KDM6A: variants seen among roughly 807,000 people sequenced by gnomAD.
KDM6A encodes the protein lysine-specific demethylase 6A.
In KDM6A, 11 loss-of-function variants were observed where a neutral mutation model predicts 117.6. The observed-to-expected ratio is 0.09, with a 90% confidence interval of 0.06 to 0.15. KDM6A has a LOEUF of 0.15. Ranked by LOEUF, KDM6A falls within the 10% of genes least tolerant of loss-of-function variation. The pLI is 1.00. For synonymous variants in KDM6A, 384 were observed against 396.1 expected (o/e 0.97, Z 0.36); for missense variants, 799 against 1,077.3 (o/e 0.74, Z 3.62).
intron 27 of KDM6A, among the ~76,000 whole-genome samples, chrX:45,104,118 G>A (rs1195817323): frequency 9.3e-6 from 1 of 107,197 alleles, no homozygotes; most frequent in African/African-American, 3.4e-5. Context: ...TCCACCTCCC[G>A]GATTCAAGCA....
intron 2 of KDM6A, among the ~76,000 whole-genome samples, chrX:44,897,176 TAGA>T (rs2033952026): frequency 5.6e-5 from 6 of 106,991 alleles, no homozygotes; most frequent in Non-Finnish European, 7.7e-5. Context: ...CTCTCTTGTT[TAGA>T]TTGACATAAT....
chrX:44,919,856 C>T (rs1020597183), intron 2 of KDM6A, among the ~76,000 whole-genome samples: 1 of 111,009 alleles, frequency 9.0e-6, no homozygotes, highest in Admixed American at 9.5e-5. Context: ...GTGATCCACC[C>T]GCCTGGGCCT....
chrX:44,942,191 C>A (rs964394173), intron 2 of KDM6A, among the ~76,000 whole-genome samples: 1 of 110,104 alleles, frequency 9.1e-6, no homozygotes, highest in African/African-American at 3.3e-5. Flanking sequence ...CGCGCCACCA[C>A]GCCCAGCTAA....
chrX:45,099,564 T>C (rs982079874), intron 27 of KDM6A, among the ~76,000 whole-genome samples: 3 of 111,804 alleles, frequency 2.7e-5, no homozygotes, highest in African/African-American at 9.8e-5. Context: ...CAGTATAAAC[T>C]ATGTCAGAGA....
chrX:45,033,594 C>T (rs752170118), intron 6 of KDM6A, among the ~76,000 whole-genome samples: 1 of 110,372 alleles, frequency 9.1e-6, no homozygotes, highest in African/African-American at 3.3e-5. Flanking sequence ...GTCTCTGTCG[C>T]CTAGGTTGGA....
chrX:45,080,395 TATA>T (rs1291298210), intron 21 of KDM6A, among the ~76,000 whole-genome samples: 2 of 112,097 alleles, frequency 1.8e-5, no homozygotes, highest in South Asian at 3.7e-4. Context: ...CCTCTAGCAC[TATA>T]ATGAGAACTT....
intron 25 of KDM6A, among the ~76,000 whole-genome samples, chrX:45,086,573 G>A (rs1412006543): frequency 8.9e-6 from 1 of 111,963 alleles, no homozygotes; most frequent in Non-Finnish European, 1.9e-5. Flanking sequence ...CTGGATTACA[G>A]GCATGATCCA....
intron 2 of KDM6A, among the ~76,000 whole-genome samples, chrX:44,911,148 C>T (rs747005392): frequency 0.015 from 1,472 of 99,345 alleles, 32 homozygotes; most frequent in African/African-American, 0.053. Context: ...CCCTCCCGGA[C>T]GGGGCGGCTG....
chrX:45,016,581 C>T (rs1230380974), intron 5 of KDM6A, among the ~76,000 whole-genome samples: 3 of 111,153 alleles, frequency 2.7e-5, no homozygotes, highest in Non-Finnish European at 5.7e-5. Flanking sequence ...CTCACTGCAA[C>T]CTCTGCCTCC....
At chrX:44,885,316 G>A (rs1056138818) in intron 2 of KDM6A, among the ~76,000 whole-genome samples, 1 of 109,309 alleles carries the variant, frequency 9.1e-6, no homozygotes, top group Non-Finnish European at 1.9e-5. Context: ...ATGAGCCGTT[G>A]TGCCTGGCCT....
chrX:45,101,392 G>A (rs758624378), intron 27 of KDM6A, among the ~76,000 whole-genome samples: 11 of 111,198 alleles, frequency 9.9e-5, no homozygotes, highest in Non-Finnish European at 1.9e-4. Context: ...TTATTTTATA[G>A]AAACCCCAAT....
At chrX:44,916,505 G>A (rs965187891) in intron 2 of KDM6A, among the ~76,000 whole-genome samples, 16 of 111,032 alleles carry the variant, frequency 1.4e-4, no homozygotes, top group Admixed American at 4.8e-4. Flanking sequence ...TTTAAAAGAG[G>A]AAAGAATGAG....
intron 2 of KDM6A, among the ~76,000 whole-genome samples, chrX:44,925,608 T>C (rs888253024): frequency 8.9e-6 from 1 of 111,874 alleles, no homozygotes; most frequent in African/African-American, 3.3e-5. Context: ...GAATGTCCTA[T>C]TTGCTTAAAT....
rs748442233 is a variant in KDM6A, at chrX:44,920,323, TA to T, written c.226-40954del. Among the ~76,000 whole-genome samples the T allele has an allele frequency of 1.9e-3, 218 of 112,433 alleles. 1 individual carries two copies. The highest frequency in any genetic ancestry group is 6.6e-3 in the African/African-American group (205 of 31,048). ...CTTGATGGATTGATTCGTTTATAGT[TA>T]AAAAAATGGCCCTCTTTATCTCTGG... On this transcript the variant is annotated intron_variant, in intron 2 of 29. Coordinates refer to ENST00000611820, the MANE Select transcript of KDM6A (RefSeq NM_001291415.2).
At position 45,082,697 on chromosome X, in the gene KDM6A, C is replaced by G. The variant is rs750733390; in HGVS notation, c.3366-18C>G. The G allele has an allele frequency of 1.7e-6, 2 of 1,193,265 alleles. No individual in the cohort carries two copies. The highest frequency in any genetic ancestry group is 3.5e-5 in the South Asian group (2 of 56,571). ...CTTTTTAAAAGGCATGTTTCTAATA[C>G]TGTGTCTCTTTTTTAAGTTCTGGGA... On this transcript the variant is annotated intron_variant, in intron 22 of 29. Coordinates refer to ENST00000611820, the MANE Select transcript of KDM6A (RefSeq NM_001291415.2).
chrX:45,007,143 C>T (rs1180202131), intron 4 of KDM6A, among the ~76,000 whole-genome samples: 2 of 111,374 alleles, frequency 1.8e-5, no homozygotes, highest in Non-Finnish European at 3.8e-5. Flanking sequence ...GTTGACTTTC[C>T]GGAGAGCCAA....
intron 2 of KDM6A, 96 bp downstream of exon 2, chrX:44,874,083 A>T: frequency 1.2e-6 from 1 of 820,782 alleles, no homozygotes; most frequent in Non-Finnish European, 1.8e-6. Context: ...CATTGTGGCC[A>T]CGGACGATGG....
At chrX:45,004,264 C>G (rs941015912) in intron 4 of KDM6A, among the ~76,000 whole-genome samples, 1 of 111,084 alleles carries the variant, frequency 9.0e-6, no homozygotes, top group Admixed American at 9.6e-5. Flanking sequence ...GACTGGGGTC[C>G]TTTAAAAGAG....
At chrX:45,085,069 C>A (rs1033656567) in intron 24 of KDM6A, among the ~76,000 whole-genome samples, 2 of 111,413 alleles carry the variant, frequency 1.8e-5, no homozygotes, top group African/African-American at 6.5e-5. Flanking sequence ...GATATTTTAT[C>A]CATAGTCAGG....
Sources: gnomAD v4.1 joint callset for allele counts (sites outside exome capture counted in the v4.1 genomes callset) on GRCh38, gnomAD v4.1.1 for gene constraint, MANE v1.5 for transcripts, NCBI Gene and HGNC (gene_info 2026-07-23, HGNC 2026-07-21) for gene names.